MYOCD: variants seen among roughly 807,000 people sequenced by gnomAD.
The protein encoded by MYOCD is myocardin.
MYOCD carries 32 observed loss-of-function variants against 96.1 expected under a neutral mutation model. The ratio of observed to expected loss-of-function variants is 0.33; its 90% CI spans 0.25 to 0.45. The LOEUF (loss-of-function observed/expected upper bound fraction) is 0.45. Ranked by LOEUF, MYOCD falls within the 20% of genes least tolerant of loss-of-function variation. The pLI is 1.00. For missense variants in MYOCD, 1,133 were observed against 1,200.6 expected (o/e 0.94, Z 0.83); for synonymous variants, 469 against 469.0 (o/e 1.00, Z 0.00).
intron 1 of MYOCD, among the ~76,000 whole-genome samples, chr17:12,682,950 G>A (rs533210120): frequency 1.3e-5 from 2 of 151,556 alleles, no homozygotes; most frequent in African/African-American, 4.8e-5. Flanking sequence ...CCCTGAACAA[G>A]CTTAAGCAAA....
chr17:12,717,668 G>A (rs1240227124), intron 4 of MYOCD, among the ~76,000 whole-genome samples: 1 of 152,188 alleles, frequency 6.6e-6, no homozygotes, highest in Non-Finnish European at 1.5e-5. Flanking sequence ...CTAACTCTAA[G>A]GCCTGGGCAA....
Position 12,763,338 on chromosome 17 carries a change from G to T in MYOCD, c.2655G>T (p.Gly885=), listed in dbSNP as rs746671877. The T allele has an allele frequency of 6.2e-7, 1 of 1,603,604 alleles. No individual in the cohort carries two copies. The highest frequency in any genetic ancestry group is 1.1e-5 in the South Asian group (1 of 89,292). Residue 885 remains glycine (G), a synonymous_variant, in exon 14 of 14, where the codon GGG becomes GGT. Transcript: ENST00000425538. The part of the protein sequence containing the change: ...KIGSEEPHFD[G]IMDGFSGKAA... ...GGAGCGAAGAGCCTCACTTTGATGG[G>T]ATAATGGATGGATTCTCTGGGAAGG... is the stretch of plus-strand genomic sequence containing the variant.
At chr17:12,698,886 A>G (rs994187138) in intron 1 of MYOCD, among the ~76,000 whole-genome samples, 2 of 150,764 alleles carry the variant, frequency 1.3e-5, no homozygotes, top group South Asian at 2.1e-4. Flanking sequence ...GGGACTACAG[A>G]CGCCCGCCAC....
chr17:12,696,125 C>A (rs994655156), intron 1 of MYOCD, among the ~76,000 whole-genome samples: 1 of 151,426 alleles, frequency 6.6e-6, no homozygotes, highest in African/African-American at 2.4e-5. Flanking sequence ...GGTGCAATCT[C>A]GGCTCACTGC....
rs149384432 is a variant in MYOCD, at chr17:12,707,533, G to A, written c.121+2340G>A. On this transcript the variant is annotated intron_variant, in intron 2 of 13. Coordinates refer to ENST00000425538, the MANE Select transcript of MYOCD (RefSeq NM_001146312.3). ...ATTGTGGCTAACACGGAGAAAACCC[G>A]TCTCTACTAAAAATACAAAAAAAAG... 4.6e-3 allele frequency among the ~76,000 whole-genome samples: 697 copies of A among 151,864 alleles called. 4 individuals carry two copies. Among genetic ancestry groups the A allele is most frequent in the African/African-American group, 0.016 (652 of 41,434 alleles).
intron 1 of MYOCD, among the ~76,000 whole-genome samples, chr17:12,669,383 C>T (rs888118902): frequency 6.6e-6 from 1 of 152,166 alleles, no homozygotes; most frequent in Non-Finnish European, 1.5e-5. Flanking sequence ...TCTTAAACCG[C>T]GCAAACAGAG....
In MYOCD at chr17:12,733,062, G is replaced by C. The variant is rs186039982; in HGVS notation, c.416-3099G>C. On this transcript the variant is annotated intron_variant, in intron 5 of 13. Transcript: ENST00000425538. Reference sequence around the variant, plus strand: ...GCGGTGGCTCACGCCTATAATCCCAGCACTTTGGGAGGCTACAGCAGGTGG... The same window carrying C: ...GCGGTGGCTCACGCCTATAATCCCACCACTTTGGGAGGCTACAGCAGGTGG... 3.4e-4 allele frequency among the ~76,000 whole-genome samples: 52 copies of C among 152,282 alleles called. No individual in the cohort carries two copies. The East Asian group carries it at 0.01, about 29-fold the overall frequency.
intron 1 of MYOCD, among the ~76,000 whole-genome samples, chr17:12,692,982 G>A (rs1047253371): frequency 1.4e-4 from 21 of 152,180 alleles, no homozygotes; most frequent in Admixed American, 4.6e-4. Context: ...GTTGTGCAGA[G>A]ATAGTATAGC....
At chr17:12,757,841 AAG>A (rs2150725494) in intron 11 of MYOCD, among the ~76,000 whole-genome samples, 1 of 152,252 alleles carries the variant, frequency 6.6e-6, no homozygotes, top group African/African-American at 2.4e-5. Flanking sequence ...CCCCTAAAAT[AAG>A]AGGGTGCACC....
At chr17:12,733,783 C>T (rs2032251347) in intron 5 of MYOCD, among the ~76,000 whole-genome samples, 1 of 151,060 alleles carries the variant, frequency 6.6e-6, no homozygotes, top group Non-Finnish European at 1.5e-5. Context: ...CAGAGAATCA[C>T]TTAAACCTCG....
intron 5 of MYOCD, among the ~76,000 whole-genome samples, chr17:12,725,006 A>G (rs1476619909): frequency 6.6e-6 from 1 of 152,034 alleles, no homozygotes; most frequent in East Asian, 1.9e-4. Context: ...AAATTCTTCC[A>G]TAGTATCTAT....
intron 5 of MYOCD, among the ~76,000 whole-genome samples, chr17:12,728,768 C>A (rs368870195): frequency 6.6e-6 from 1 of 152,170 alleles, no homozygotes; most frequent in Admixed American, 6.5e-5. Context: ...CGTGAGCCAC[C>A]GTGCCCAGCC....
chr17:12,741,807 A>G (rs1412810334), intron 7 of MYOCD, among the ~76,000 whole-genome samples: 5 of 152,036 alleles, frequency 3.3e-5, no homozygotes, highest in African/African-American at 1.2e-4. Flanking sequence ...TTTCTGTGAA[A>G]AAGGCGATTC....
In MYOCD at chr17:12,745,953, T is replaced by A; in HGVS notation, c.1006T>A (p.Ser336Thr). Residue 336 changes from serine (S) to threonine (T), a missense_variant, in exon 9 of 14, where the codon TCT becomes ACT. Transcript: ENST00000425538. ...PNEQMVRNPNSSSTPLSNTPL... is the reference protein window; with the variant it reads ...PNEQMVRNPNTSSTPLSNTPL... ...TGAACAGATGGTCAGAAATCCAAACTCTTCTTCAACGCCACTGAGCAATAC... is the reference window on the plus strand; with the variant it reads ...TGAACAGATGGTCAGAAATCCAAACACTTCTTCAACGCCACTGAGCAATAC... 1 of 1,614,194 alleles carries A rather than the reference T, an allele frequency of 6.2e-7. No individual in the cohort carries two copies. The highest frequency in any genetic ancestry group is 8.5e-7 in the Non-Finnish European group (1 of 1,180,030).
In MYOCD at chr17:12,754,979, C is replaced by T. The variant is rs180876491; in HGVS notation, c.2059-1435C>T. 4.1e-4 allele frequency among the ~76,000 whole-genome samples: 63 copies of T among 152,224 alleles called. 2 individuals are homozygous for T. In the South Asian group the frequency reaches 7.5e-3, roughly 18 times the overall value. On this transcript the variant is annotated intron_variant, in intron 10 of 13. Transcript: ENST00000425538. ...AGATTTGTTAATTCTAAGTACAATG[C>T]CCTATTCAAGTGGAATATCTCCACC... is the stretch of plus-strand genomic sequence containing the variant.
chr17:12,720,958 C>T (rs919394079), intron 4 of MYOCD, among the ~76,000 whole-genome samples: 5 of 148,524 alleles, frequency 3.4e-5, no homozygotes, highest in Non-Finnish European at 5.9e-5. Context: ...GGAGGCAGAG[C>T]TGGCAGTGAG....
rs960229662 is a variant in MYOCD, at chr17:12,666,372, T to C, written c.55+129T>C. 5.1e-5 allele frequency: 36 copies of C among 709,208 alleles called. No homozygotes were observed. In the Admixed American group the frequency reaches 7.0e-4, roughly 14 times the overall value. The allele number at this position is 709,208 out of a possible 1,614,324, so 43.9% of individuals were successfully genotyped here. A position where few individuals can be genotyped will look rare whatever the true frequency, so the allele number is the denominator to read the frequency against. On this transcript the variant is annotated intron_variant, in intron 1 of 13. Transcript: ENST00000425538. ...CTCAACTTTGTTCCCCAAAAGCACA[T>C]TGTGGAAGCGAAGAGTTTTGTTTGA...
rs1160369725 is a variant in MYOCD, at chr17:12,768,536, A to G, written c.*4892A>G. The G allele has an allele frequency of 6.6e-6, 1 of 152,158 alleles. No individual in the cohort carries two copies. The highest frequency in any genetic ancestry group is 1.5e-5 in the Non-Finnish European group (1 of 68,028). The allele number at this position is 152,158 out of a possible 1,614,324, so 9.4% of individuals were successfully genotyped here. A position where few individuals can be genotyped will look rare whatever the true frequency, so the allele number is the denominator to read the frequency against. The stretch of plus-strand genomic sequence containing the variant: ...GCATGCATTTCCTAGAAGTGGTTTC[A>G]TAGCTCCTGTGTGTTCATGGAAAAG... On this transcript the variant is annotated 3_prime_UTR_variant, in exon 14 of 14. Coordinates refer to ENST00000425538, the MANE Select transcript of MYOCD (RefSeq NM_001146312.3).
chr17:12,676,933 G>C (rs1910097809), intron 1 of MYOCD, among the ~76,000 whole-genome samples: 1 of 152,144 alleles, frequency 6.6e-6, no homozygotes, highest in African/African-American at 2.4e-5. Context: ...TCCTTCATTG[G>C]AAATTTTTGA....
Sources: allele counts gnomAD v4.1 joint callset (sites outside exome capture counted in the v4.1 genomes callset), GRCh38; gene constraint gnomAD v4.1.1; transcripts MANE v1.5; gene names NCBI Gene and HGNC (gene_info 2026-07-23, HGNC 2026-07-21).